The following FAT1 variants were observed in gnomAD, a reference collection of about 807,000 sequenced individuals.
The protein encoded by FAT1 is protocadherin Fat 1.
A neutral mutation model predicts 329.8 loss-of-function variants in FAT1; 171 were observed. The observed-to-expected ratio is 0.52, with a 90% CI of 0.46 to 0.59. The LOEUF (loss-of-function observed/expected upper bound fraction) is 0.59, where lower values mean the gene tolerates loss of function less well. Among genes scored for constraint, FAT1 ranks in the 20% least tolerant of loss-of-function variants. The pLI is 0.00. For missense variants in FAT1, 5,672 were observed against 5,774.4 expected (o/e 0.98, Z 0.57); for synonymous variants, 2,233 against 2,228.6 (o/e 1.00, Z -0.06).
chr4:186,702,974 A>T (rs1036772402), intron 2 of FAT1, among the ~76,000 whole-genome samples: 3 of 152,164 alleles, frequency 2.0e-5, no homozygotes, highest in African/African-American at 7.2e-5. Flanking sequence ...TAGCAATCTG[A>T]GGAGGAGAAT....
rs182014541 is a variant in FAT1 at position 186,616,659 on chromosome 4, C to T, written c.9075+346G>A. Among the ~76,000 whole-genome samples the T allele has an allele frequency of 1.4e-4, 22 of 152,308 alleles. No individual in the cohort carries two copies. The East Asian group carries it at 2.7e-3, about 19-fold the overall frequency. ...CAGATGCCCCCAAAACAGTGTCTCA[C>T]GGCACGTCGGCACTTTGTTTCCCGT... is the stretch of plus-strand genomic sequence containing the variant. On this transcript the variant is annotated intron_variant, in intron 11 of 26. Coordinates refer to ENST00000441802, the MANE Select transcript of FAT1 (RefSeq NM_005245.4).
chr4:186,618,441 G>C lies in FAT1; in HGVS notation c.8145C>G (p.Asp2715Glu), dbSNP rs369653159. 1 of 1,614,018 alleles carries C rather than the reference G, an allele frequency of 6.2e-7. No individual in the cohort carries two copies. The highest frequency in any genetic ancestry group is 2.2e-5 in the East Asian group (1 of 44,884). The change falls in exon 10 of 27, where the codon GAC becomes GAG. Residue 2715 changes from aspartate (D) to glutamate (E), a missense_variant. Around this residue, in one of 2 missense-constraint regions of FAT1, gnomAD observed 3,966 missense variants for 3,915.2 expected, o/e 1.01. Transcript: ENST00000441802. ...GATCTATCTCTGTTCCAATAGGCAC[G>C]TCCTCTGACACTGTAAAGGTATAGA... ...EPFYTFTVSE[D>E]VPIGTEIDLI...
At chr4:186,721,254 TA>T (rs1554002498) in intron 1 of FAT1, among the ~76,000 whole-genome samples, 1 of 150,852 alleles carries the variant, frequency 6.6e-6, no homozygotes, top group Non-Finnish European at 1.5e-5. Flanking sequence ...AAAGATGACT[TA>T]AAAAACTTAA....
At chr4:186,681,774 C>T (rs1743218351) in intron 2 of FAT1, among the ~76,000 whole-genome samples, 2 of 152,190 alleles carry the variant, frequency 1.3e-5, no homozygotes, top group Admixed American at 1.3e-4. Flanking sequence ...AAATGAAGAG[C>T]TACTTTTATA....
chr4:186,707,404 T>A lies in FAT1; in HGVS notation c.2424A>T (p.Leu808=), dbSNP rs1449535151. Residue 808 remains leucine (L), a synonymous_variant, in exon 2 of 27, where the codon CTA becomes CTT. Transcript: ENST00000441802. The stretch of plus-strand genomic sequence containing the variant: ...CATTGGCATCGACAACCACGACATG[T>A]AGAAGACGCCACGCAGCCTTCTGGG... ...GIPQKAAWRL[L]HVVVVDANDN... is the part of the protein sequence containing the mutation. The A allele has an allele frequency of 1.2e-6, 2 of 1,614,014 alleles. No homozygotes were observed.
intron 7 of FAT1, among the ~76,000 whole-genome samples, chr4:186,633,439 T>C (rs1170756408): frequency 6.6e-6 from 1 of 152,200 alleles, no homozygotes; most frequent in Admixed American, 6.5e-5. Flanking sequence ...ATAACGTTGG[T>C]TTGGTTTGGT....
intron 2 of FAT1, among the ~76,000 whole-genome samples, chr4:186,676,995 GGACT>G (rs1209437142): frequency 2.6e-5 from 4 of 152,148 alleles, no homozygotes; most frequent in African/African-American, 9.7e-5. Flanking sequence ...CTGTGGTCAT[GGACT>G]GTATGTATAA....
Position 186,617,695 on chromosome 4 carries a change from GAATT to G in FAT1, c.8878+9_8878+12del. On this transcript the variant is annotated intron_variant, in intron 10 of 26. Coordinates refer to ENST00000441802, the MANE Select transcript of FAT1 (RefSeq NM_005245.4). ...TTAAATTAATTAAACCGTTTGGTAT[GAATT>G]TTTTTTACCTGTTATGAAATATGTA... The G allele has an allele frequency of 6.5e-7, 1 of 1,532,642 alleles. No homozygotes were observed. Among genetic ancestry groups the G allele is most frequent in the Non-Finnish European group, 8.8e-7 (1 of 1,137,854 alleles). The allele number at this position is 1,532,642 out of a possible 1,614,324, so 94.9% of individuals were successfully genotyped here. A position where few individuals can be genotyped will look rare whatever the true frequency, so the allele number is the denominator to read the frequency against.
At chr4:186,650,343 A>C (rs1378567013) in intron 3 of FAT1, among the ~76,000 whole-genome samples, 4 of 152,094 alleles carry the variant, frequency 2.6e-5, no homozygotes, top group African/African-American at 9.7e-5. Flanking sequence ...CAGAAAAAAA[A>C]CTCCCTAAAT....
chr4:186,658,297 A>G (rs560543419), intron 3 of FAT1, among the ~76,000 whole-genome samples: 16 of 152,336 alleles, frequency 1.1e-4, no homozygotes, highest in African/African-American at 3.6e-4. Flanking sequence ...TCTTGGCACC[A>G]TAATTAAGCA....
intron 2 of FAT1, among the ~76,000 whole-genome samples, chr4:186,664,100 C>G (rs932727345): frequency 3.3e-5 from 5 of 152,078 alleles, no homozygotes; most frequent in Non-Finnish European, 7.4e-5. Context: ...CCAGCACCCC[C>G]GCTCCCCACA....
At chr4:186,622,050 G>A (rs1355721830) in intron 9 of FAT1, among the ~76,000 whole-genome samples, 1 of 152,110 alleles carries the variant, frequency 6.6e-6, no homozygotes, top group Non-Finnish European at 1.5e-5. Flanking sequence ...TCCCTCTCTC[G>A]GCTGCACTGG....
At chr4:186,605,353 A>G (rs1276851428) in intron 17 of FAT1, among the ~76,000 whole-genome samples, 1 of 116,240 alleles carries the variant, frequency 8.6e-6, no homozygotes, top group African/African-American at 3.4e-5. Flanking sequence ...GATGAGGAGG[A>G]GTGGCGACGA....
intron 26 of FAT1, 124 bp downstream of exon 26, chr4:186,595,565 A>C: frequency 9.1e-7 from 1 of 1,099,926 alleles, no homozygotes; most frequent in Non-Finnish European, 1.3e-6. Context: ...ATTGTTTAAA[A>C]GTGGTCCAAG....
At chr4:186,669,482 G>A (rs1176804172) in intron 2 of FAT1, among the ~76,000 whole-genome samples, 2 of 152,286 alleles carry the variant, frequency 1.3e-5, no homozygotes, top group Admixed American at 6.5e-5. Flanking sequence ...GAAGCATTAC[G>A]GAAGGAATGA....
At position 186,603,308 on chromosome 4, in the gene FAT1, C is replaced by T. The variant is rs1246988263; in HGVS notation, c.11218G>A (p.Gly3740Arg). The T allele has an allele frequency of 6.2e-7, 1 of 1,613,854 alleles. No homozygotes were observed. Among genetic ancestry groups the T allele is most frequent in the Non-Finnish European group, 8.5e-7 (1 of 1,179,898 alleles). Residue 3740 changes from glycine (G) to arginine (R), a missense_variant, in exon 19 of 27, where the codon GGA becomes AGA. Physicochemically the swap from Gly to Arg is moderately radical, Grantham distance 125. Coordinates refer to ENST00000441802, the MANE Select transcript of FAT1 (RefSeq NM_005245.4). ...CAGAACTTCCAGGGGCAGTCCAGTC[C>T]CGCGCAGAGTTTCTGGAATACATTC... The part of the protein sequence containing the change: ...ILNVFQKLCA[G>R]LDCPWKFCDE...
intron 3 of FAT1, among the ~76,000 whole-genome samples, chr4:186,656,900 T>C (rs1375750955): frequency 6.6e-6 from 1 of 152,124 alleles, no homozygotes; most frequent in Non-Finnish European, 1.5e-5. Flanking sequence ...TAAAAAGGCA[T>C]CTTTTTCTGA....
intron 9 of FAT1, 113 bp downstream of exon 9, chr4:186,628,041 C>A: frequency 1.7e-6 from 2 of 1,149,970 alleles, no homozygotes; most frequent in Non-Finnish European, 2.5e-6. Flanking sequence ...TCAATTTAAG[C>A]CATTTTTGCA....
intron 14 of FAT1, 103 bp downstream of exon 14, chr4:186,611,283 T>C: frequency 3.9e-6 from 4 of 1,029,646 alleles, no homozygotes; most frequent in Non-Finnish European, 5.5e-6. Context: ...TTTTAGAACA[T>C]CTACTGACAA....
Sources: gnomAD v4.1 joint callset for allele counts (sites outside exome capture counted in the v4.1 genomes callset) on GRCh38, gnomAD v4.1.1 for gene constraint, gnomAD v4.1.1 regional missense constraint, MANE v1.5 for transcripts, NCBI Gene and HGNC (gene_info 2026-07-23, HGNC 2026-07-21) for gene names.